The following DLGAP1 variants were observed in gnomAD, a reference collection of about 807,000 sequenced individuals.
The protein encoded by DLGAP1 is DLG associated protein 1, also known as disks large-associated protein 1.
DLGAP1 carries 11 observed loss-of-function variants against 90.8 expected under a neutral mutation model. The observed-to-expected ratio is 0.12, with a 90% CI of 0.08 to 0.20. The LOEUF is 0.20. Ranked by LOEUF, DLGAP1 falls within the 10% of genes least tolerant of loss-of-function variation. The pLI is 1.00. For missense variants in DLGAP1, 1,050 were observed against 1,333.8 expected, an observed-to-expected ratio of 0.79 and a Z score of 3.31; for synonymous variants, 558 against 540.7, an observed-to-expected ratio of 1.03 and a Z score of -0.44.
intron 1 of DLGAP1, among the ~76,000 whole-genome samples, chr18:4,413,127 G>T (rs1598382111): frequency 6.6e-6 from 1 of 152,136 alleles, no homozygotes; most frequent in East Asian, 1.9e-4. Context: ...TGGAGATCTG[G>T]ATCACTTTAC....
chr18:4,193,391 C>T (rs966088871), intron 1 of DLGAP1, among the ~76,000 whole-genome samples: 1 of 152,068 alleles, frequency 6.6e-6, no homozygotes, highest in Non-Finnish European at 1.5e-5. Flanking sequence ...TGCAATTTGT[C>T]CCATCCAAAT....
intron 1 of DLGAP1, among the ~76,000 whole-genome samples, chr18:4,187,194 GCAAA>G (rs758828817): frequency 5.3e-5 from 8 of 152,128 alleles, no homozygotes; most frequent in African/African-American, 1.7e-4. Flanking sequence ...CATTTCATCG[GCAAA>G]CAGAGATAGT....
At chr18:4,212,509 T>TAAA (rs3041112) in intron 1 of DLGAP1, among the ~76,000 whole-genome samples, 4,127 of 136,642 alleles carry the variant, frequency 0.03, 101 homozygotes, top group Non-Finnish European at 0.046. Flanking sequence ...CTACTAAAGT[T>TAAA]AAAAAAAAAA....
chr18:4,365,686 T>C (rs1466718070), intron 1 of DLGAP1, among the ~76,000 whole-genome samples: 1 of 152,168 alleles, frequency 6.6e-6, no homozygotes, highest in Non-Finnish European at 1.5e-5. Flanking sequence ...TATTCCGTGT[T>C]AAGCACAGGC....
At chr18:3,724,686 A>G (rs1175359290) in intron 7 of DLGAP1, among the ~76,000 whole-genome samples, 1 of 152,132 alleles carries the variant, frequency 6.6e-6, no homozygotes. Context: ...GCAGTGAGCC[A>G]TGATTGCACC....
chr18:3,618,613 T>C (rs1048699069), intron 7 of DLGAP1, among the ~76,000 whole-genome samples: 1 of 6,380 alleles, frequency 1.6e-4, no homozygotes, highest in Admixed American at 1.8e-3. Flanking sequence ...TTTTCTGCCT[T>C]TTTCCCAACC....
intron 9 of DLGAP1, among the ~76,000 whole-genome samples, chr18:3,550,720 TCCAGAA>T (rs1182365723): frequency 6.9e-6 from 1 of 144,730 alleles, no homozygotes; most frequent in Non-Finnish European, 1.5e-5. Flanking sequence ...GACATCTTGA[TCCAGAA>T]CCAGACCCTT....
Position 3,517,789 on chromosome 18 carries a change from C to T in DLGAP1, c.2480-9128G>A, listed in dbSNP as rs2050933113. On this transcript the variant is annotated intron_variant, in intron 10 of 12. Coordinates refer to ENST00000315677, the MANE Select transcript of DLGAP1 (RefSeq NM_004746.4). The surrounding 1 kb of genome is among the most constrained non-coding windows in gnomAD (Gnocchi z 4.1). ...CCGAGATCGTGCCATTGCACTCCAG[C>T]CTGGGCAACAAGAGAGAAACTCTGT... Among the ~76,000 whole-genome samples the T allele has an allele frequency of 6.6e-6, 1 of 150,468 alleles. No homozygotes were observed. Among genetic ancestry groups the T allele is most frequent in the Admixed American group, 6.7e-5 (1 of 15,012 alleles).
intron 3 of DLGAP1, chr18:3,892,116 CA>C (rs1411728702): frequency 3.9e-4 from 1 of 2,546 alleles, no homozygotes; most frequent in Non-Finnish European, 7.4e-4. Context: ...ACCTCTAAAA[CA>C]CACACACACA....
In DLGAP1 at chr18:4,268,074, A is replaced by C. The variant is rs571285851; in HGVS notation, c.-266-116787T>G. On this transcript the variant is annotated intron_variant, in intron 1 of 12. Coordinates refer to ENST00000315677, the MANE Select transcript of DLGAP1 (RefSeq NM_004746.4). ...GAGGCCATCTTGGAGGCTGGCTGTCATAGATGTTTGTTCAGTTTCTGACAG... is the reference window on the plus strand; with the variant it reads ...GAGGCCATCTTGGAGGCTGGCTGTCCTAGATGTTTGTTCAGTTTCTGACAG... Among the ~76,000 whole-genome samples the C allele has an allele frequency of 7.6e-4, 116 of 152,338 alleles. 1 individual carries two copies. The highest frequency in any genetic ancestry group is 2.7e-3 in the African/African-American group (113 of 41,580).
chr18:3,828,581 A>G (rs749223522), intron 4 of DLGAP1, among the ~76,000 whole-genome samples: 15 of 138,320 alleles, frequency 1.1e-4, no homozygotes, highest in Non-Finnish European at 1.8e-4. Context: ...TGAAGGCTCC[A>G]GTGAGTTGTG....
At chr18:4,237,747 T>C (rs1278489258) in intron 1 of DLGAP1, among the ~76,000 whole-genome samples, 3 of 152,052 alleles carry the variant, frequency 2.0e-5, no homozygotes, top group African/African-American at 7.2e-5. Context: ...ATTCAATATG[T>C]ACAAATGGCT....
In DLGAP1 at chr18:3,534,544, A is replaced by C; in HGVS notation, c.2129T>G (p.Leu710Arg). Reference protein sequence around the residue: ...VQADLDFHDNLENSLESIEDN... With the variant: ...VQADLDFHDNRENSLESIEDN... The stretch of plus-strand genomic sequence containing the variant: ...CTCTATAGATTCCAGAGAATTTTCC[A>C]GATTATCATGGAAGTCCAGGTCGGC... The change falls in exon 10 of 13, where the codon CTG (leucine) becomes CGG (arginine). Residue 710 changes from leucine (L) to arginine (R), a missense_variant. Coordinates refer to ENST00000315677, the MANE Select transcript of DLGAP1 (RefSeq NM_004746.4). 6.2e-7 allele frequency: 1 copy of C among 1,613,980 alleles called. No individual in the cohort carries two copies. Among genetic ancestry groups the C allele is most frequent in the East Asian group, 2.2e-5 (1 of 44,880 alleles).
At chr18:3,864,288 A>T (rs543484409) in intron 4 of DLGAP1, among the ~76,000 whole-genome samples, 9 of 152,230 alleles carry the variant, frequency 5.9e-5, no homozygotes, top group Non-Finnish European at 8.8e-5. Context: ...TTCATCTAAT[A>T]ACACCTTCAA....
intron 2 of DLGAP1, among the ~76,000 whole-genome samples, chr18:4,079,097 T>A (rs1231490414): frequency 6.6e-6 from 1 of 152,144 alleles, no homozygotes; most frequent in Non-Finnish European, 1.5e-5. Context: ...GAGCACGGAC[T>A]TCCCACATAA....
intron 7 of DLGAP1, among the ~76,000 whole-genome samples, chr18:3,693,990 T>C (rs1334986269): frequency 2.6e-5 from 4 of 152,148 alleles, no homozygotes; most frequent in Non-Finnish European, 4.4e-5. Context: ...ATCAACCCAT[T>C]GTCTACATTA....
intron 8 of DLGAP1, among the ~76,000 whole-genome samples, chr18:3,573,783 C>T (rs2054947772): frequency 6.6e-6 from 1 of 152,208 alleles, no homozygotes; most frequent in African/African-American, 2.4e-5. Flanking sequence ...CTTACTGCCA[C>T]TGTGACCTCC....
intron 1 of DLGAP1, among the ~76,000 whole-genome samples, chr18:4,240,516 T>A (rs1330360604): frequency 6.6e-6 from 1 of 152,172 alleles, no homozygotes; most frequent in Non-Finnish European, 1.5e-5. Flanking sequence ...AAATCAGATT[T>A]TCTGGTGAAA....
At chr18:4,356,172 T>G (rs528342444) in intron 1 of DLGAP1, among the ~76,000 whole-genome samples, 1 of 152,190 alleles carries the variant, frequency 6.6e-6, no homozygotes, top group East Asian at 1.9e-4. Flanking sequence ...CCCGATTTTT[T>G]TTTTCCTGAT....
Sources: allele counts gnomAD v4.1 joint callset (sites outside exome capture counted in the v4.1 genomes callset), GRCh38; gene constraint gnomAD v4.1.1; non-coding constraint Gnocchi (gnomAD v3.1); transcripts MANE v1.5; gene names NCBI Gene and HGNC (gene_info 2026-07-23, HGNC 2026-07-21).